Variants in MALRD1 observed in about 807,000 individuals in gnomAD.
The protein encoded by MALRD1 is MAM and LDL receptor class A domain containing 1.
A neutral mutation model predicts 242.1 loss-of-function variants in MALRD1; 247 were observed. The observed-to-expected ratio is 1.02, with a 90% CI of 0.92 to 1.13. The LOEUF is 1.13. MALRD1 is among the 50% of genes most tolerant of loss of function. MALRD1 has a pLI of 0.00. For missense variants in MALRD1, 2,989 were observed against 2,533.1 expected (o/e 1.18, Z -3.86); for synonymous variants, 995 against 866.6 (o/e 1.15, Z -2.60).
chr10:19,588,799 T>C (rs769819574), intron 33 of MALRD1, among the ~76,000 whole-genome samples: 1 of 152,160 alleles, frequency 6.6e-6, no homozygotes, highest in African/African-American at 2.4e-5. Flanking sequence ...CCCACTACCA[T>C]GCCTGTCTAA....
chr10:19,527,610 A>C (rs2131336017), intron 31 of MALRD1, among the ~76,000 whole-genome samples: 1 of 152,304 alleles, frequency 6.6e-6, no homozygotes, highest in African/African-American at 2.4e-5. Flanking sequence ...ATTAGTTATC[A>C]TTATACATGT....
At chr10:19,069,490 T>C (rs576793815) in intron 2 of MALRD1, among the ~76,000 whole-genome samples, 100 of 152,056 alleles carry the variant, frequency 6.6e-4, no homozygotes, top group Non-Finnish European at 1.2e-3. Flanking sequence ...CAGCACTCTT[T>C]ATTTCTTCTA....
chr10:19,221,868 G>A (rs1837567128), intron 18 of MALRD1, among the ~76,000 whole-genome samples: 3 of 151,888 alleles, frequency 2.0e-5, no homozygotes, highest in Admixed American at 6.6e-5. Context: ...TGAAAAGAAA[G>A]AAGAAAGGCA....
chr10:19,641,373 A>G (rs1030534655), intron 36 of MALRD1, among the ~76,000 whole-genome samples: 5 of 152,212 alleles, frequency 3.3e-5, no homozygotes, highest in Admixed American at 2.0e-4. Context: ...CATGCAAAAG[A>G]AAAGAATGCA....
chr10:19,519,594 C>T (rs935304981), intron 31 of MALRD1, among the ~76,000 whole-genome samples: 1 of 151,994 alleles, frequency 6.6e-6, no homozygotes, highest in Non-Finnish European at 1.5e-5. Flanking sequence ...CATAGTGAGA[C>T]CCTGTTGCTA....
intron 12 of MALRD1, among the ~76,000 whole-genome samples, chr10:19,163,793 A>C (rs1834550588): frequency 6.6e-6 from 1 of 152,224 alleles, no homozygotes; most frequent in Non-Finnish European, 1.5e-5. Flanking sequence ...TTAAGTCTCC[A>C]TAATGCAAAT....
At chr10:19,415,250 A>C (rs1833469490) in intron 28 of MALRD1, among the ~76,000 whole-genome samples, 1 of 152,198 alleles carries the variant, frequency 6.6e-6, no homozygotes, top group Non-Finnish European at 1.5e-5. Context: ...ATCCATACAA[A>C]GGATTTATTT....
At chr10:19,273,992 CTA>C (rs936315759) in intron 19 of MALRD1, among the ~76,000 whole-genome samples, 136 of 152,186 alleles carry the variant, frequency 8.9e-4, no homozygotes, top group Middle Eastern at 3.4e-3. Context: ...CATTATGAGA[CTA>C]TAGAGAGATC....
rs2131863895 is a variant in MALRD1 at position 19,708,060 on chromosome 10, A to T, written c.6314+15506A>T. ...TTAATACAGAAAGTGAGAAAATAAA[A>T]AAAAAAGCAAGCATCAAAGATGATC... On this transcript the variant is annotated intron_variant, in intron 38 of 39. Coordinates refer to ENST00000454679, the MANE Select transcript of MALRD1 (RefSeq NM_001142308.3). 1.7e-5 allele frequency among the ~76,000 whole-genome samples: 2 copies of T among 121,136 alleles called. 1 individual carries two copies. The highest frequency in any genetic ancestry group is 3.8e-5 in the Non-Finnish European group (2 of 53,074). 79.5% of individuals were successfully genotyped at this position (121,136 alleles called of 152,430 possible).
rs147557163 is a variant in MALRD1, at chr10:19,377,098, A to G, written c.4442-10430A>G. On this transcript the variant is annotated intron_variant, in intron 26 of 39. Transcript: ENST00000454679. Reference sequence around the variant, plus strand: ...AAACTATAACATATTATTACCACATATCATGCTGAGGCATAAATAAAACTA... The same window carrying G: ...AAACTATAACATATTATTACCACATGTCATGCTGAGGCATAAATAAAACTA... 2.4e-3 allele frequency among the ~76,000 whole-genome samples: 358 copies of G among 152,324 alleles called. 3 individuals carry two copies. Among genetic ancestry groups the G allele is most frequent in the African/African-American group, 8.2e-3 (343 of 41,580 alleles).
At chr10:19,617,393 C>T (rs1355937520) in intron 36 of MALRD1, among the ~76,000 whole-genome samples, 1 of 151,896 alleles carries the variant, frequency 6.6e-6, no homozygotes, top group Non-Finnish European at 1.5e-5. Context: ...TTTTTGATAG[C>T]AAATAATACT....
At chr10:19,683,936 A>AC (rs1456715973) in intron 36 of MALRD1, among the ~76,000 whole-genome samples, 1 of 149,706 alleles carries the variant, frequency 6.7e-6, no homozygotes, top group African/African-American at 2.5e-5. Context: ...CTTGTCCCTC[A>AC]CCCCCCAGCA....
intron 28 of MALRD1, among the ~76,000 whole-genome samples, chr10:19,401,596 C>T (rs1280649812): frequency 6.6e-6 from 1 of 152,022 alleles, no homozygotes; most frequent in Admixed American, 6.6e-5. Context: ...GATATTCATT[C>T]AGACATTGAC....
At chr10:19,529,547 G>GC (rs1206328530) in intron 31 of MALRD1, among the ~76,000 whole-genome samples, 1 of 4,626 alleles carries the variant, frequency 2.2e-4, no homozygotes, top group African/African-American at 4.7e-4. Context: ...AAAAACAGGA[G>GC]GGGGGGGGAG....
intron 19 of MALRD1, among the ~76,000 whole-genome samples, chr10:19,261,829 C>T (rs1258855214): frequency 7.6e-6 from 1 of 131,718 alleles, no homozygotes. Flanking sequence ...TCTCCAGCAA[C>T]CTGGGCTTGA....
intron 35 of MALRD1, among the ~76,000 whole-genome samples, chr10:19,609,551 A>G (rs1838792297): frequency 6.6e-6 from 1 of 152,038 alleles, no homozygotes; most frequent in Non-Finnish European, 1.5e-5. Context: ...AGTAATTCCC[A>G]TAGTGGTCTC....
intron 21 of MALRD1, among the ~76,000 whole-genome samples, chr10:19,285,013 C>A (rs1289320436): frequency 3.2e-4 from 29 of 89,782 alleles, no homozygotes; most frequent in Non-Finnish European, 8.2e-5. Flanking sequence ...TGATGATGAG[C>A]ATTTTTTCAT....
chr10:19,078,529 G>A (rs1049707734), intron 2 of MALRD1, among the ~76,000 whole-genome samples: 2 of 151,742 alleles, frequency 1.3e-5, no homozygotes, highest in African/African-American at 2.4e-5. Context: ...TAAGGTAATC[G>A]TGGCCTTATA....
chr10:19,365,369 TG>T (rs1845062669), intron 26 of MALRD1, among the ~76,000 whole-genome samples: 1 of 152,128 alleles, frequency 6.6e-6, no homozygotes. Context: ...ATAGTTGAAC[TG>T]GACATACTGC....
Sources: allele counts gnomAD v4.1 joint callset (sites outside exome capture counted in the v4.1 genomes callset), GRCh38; gene constraint gnomAD v4.1.1; transcripts MANE v1.5; gene names NCBI Gene and HGNC (gene_info 2026-07-23, HGNC 2026-07-21).